SLCO5A1: variants seen among roughly 807,000 people sequenced by gnomAD.
SLCO5A1 encodes the protein solute carrier organic anion transporter family member 5A1.
A neutral mutation model predicts 65.1 loss-of-function variants in SLCO5A1; 39 were observed. The ratio of observed to expected loss-of-function variants is 0.60; its 90% CI spans 0.46 to 0.78. The LOEUF (loss-of-function observed/expected upper bound fraction) is 0.78, where lower values mean the gene tolerates loss of function less well. SLCO5A1 is among the 30% of genes least tolerant of loss of function. SLCO5A1 has a pLI of 0.00. For synonymous variants in SLCO5A1, 438 were observed against 415.7 expected (o/e 1.05, Z -0.65); for missense variants, 1,029 against 1,069.4 (o/e 0.96, Z 0.53).
rs1473877073 is a variant in SLCO5A1 at position 69,671,842 on chromosome 8, A to G, written c.*1027T>C. 1 of 152,222 alleles carries G rather than the reference A, an allele frequency of 6.6e-6. No individual in the cohort carries two copies. Among genetic ancestry groups the G allele is most frequent in the Non-Finnish European group, 1.5e-5 (1 of 68,042 alleles). The allele number at this position is 152,222 out of a possible 1,614,324, so 9.4% of individuals were successfully genotyped here. Reference sequence around the variant, plus strand: ...ATATCCCAGGCACAGATTTCCTGATATAAGTATGCATTTTCAGGAGCAACC... The same window carrying G: ...ATATCCCAGGCACAGATTTCCTGATGTAAGTATGCATTTTCAGGAGCAACC... On this transcript the variant is annotated 3_prime_UTR_variant, in exon 10 of 10. Transcript: ENST00000260126.
intron 2 of SLCO5A1, among the ~76,000 whole-genome samples, chr8:69,798,690 AGGGAC>A (rs1405977301): frequency 1.3e-5 from 2 of 152,224 alleles, no homozygotes; most frequent in Admixed American, 1.3e-4. Context: ...AGATTTGGGC[AGGGAC>A]ACAGATCCAA....
At chr8:69,702,031 T>C (rs1814761855) in intron 6 of SLCO5A1, among the ~76,000 whole-genome samples, 1 of 152,116 alleles carries the variant, frequency 6.6e-6, no homozygotes, top group South Asian at 2.1e-4. Context: ...AAATACAGAG[T>C]CACATTGTAG....
chr8:69,687,866 C>A (rs191327892), intron 6 of SLCO5A1, among the ~76,000 whole-genome samples: 1 of 151,122 alleles, frequency 6.6e-6, no homozygotes, highest in Non-Finnish European at 1.5e-5. Context: ...TTAACATATA[C>A]ATAATCATAA....
chr8:69,799,499 T>C (rs1006385696), intron 2 of SLCO5A1, among the ~76,000 whole-genome samples: 1 of 152,184 alleles, frequency 6.6e-6, no homozygotes, highest in Admixed American at 6.5e-5. Context: ...ATCTAGGAAG[T>C]TTTTATTTGT....
At chr8:69,718,990 G>A (rs1236026585) in intron 5 of SLCO5A1, among the ~76,000 whole-genome samples, 1 of 152,146 alleles carries the variant, frequency 6.6e-6, no homozygotes, top group Admixed American at 6.6e-5. Context: ...AAAACCTGAA[G>A]GAGCAACGTG....
rs144838750 is a variant in SLCO5A1, at chr8:69,691,764, C to G, written c.1623-9421G>C. On this transcript the variant is annotated intron_variant, in intron 6 of 9. Coordinates refer to ENST00000260126, the MANE Select transcript of SLCO5A1 (RefSeq NM_030958.3). Reference sequence around the variant, plus strand: ...AATGCATCATCAGGTGGTTTCATCACTGTACAAATGTCATAGAATGCACTT... The same window carrying G: ...AATGCATCATCAGGTGGTTTCATCAGTGTACAAATGTCATAGAATGCACTT... Among the ~76,000 whole-genome samples, 342 of 152,300 alleles carry G rather than the reference C, an allele frequency of 2.2e-3. 2 individuals are homozygous for G. Among genetic ancestry groups the G allele is most frequent in the African/African-American group, 7.6e-3 (316 of 41,562 alleles).
intron 2 of SLCO5A1, among the ~76,000 whole-genome samples, chr8:69,781,898 C>A (rs1303203365): frequency 6.6e-6 from 1 of 152,134 alleles, no homozygotes; most frequent in Non-Finnish European, 1.5e-5. Flanking sequence ...CTCAGGCGAT[C>A]TGCCTGCCTC....
At chr8:69,807,860 C>T (rs1054213490) in intron 2 of SLCO5A1, among the ~76,000 whole-genome samples, 3 of 152,108 alleles carry the variant, frequency 2.0e-5, no homozygotes, top group South Asian at 2.1e-4. Flanking sequence ...CTCGCCACCA[C>T]GCCCAGGTAA....
rs1817986484 is a variant in SLCO5A1, at chr8:69,764,945, A to G, written c.908-3070T>C. ...AAGCGGGATTGTGCAGGATGTGTACAGGCCAGACACACAATATCCAGTAAG... is the reference window on the plus strand; with the variant it reads ...AAGCGGGATTGTGCAGGATGTGTACGGGCCAGACACACAATATCCAGTAAG... On this transcript the variant is annotated intron_variant, in intron 2 of 9. Transcript: ENST00000260126. Among the ~76,000 whole-genome samples the G allele has an allele frequency of 3.3e-5, 5 of 152,260 alleles. No homozygotes were observed. In the South Asian group the frequency reaches 1.0e-3, roughly 31 times the overall value.
rs769774098 is a variant in SLCO5A1 at position 69,673,107 on chromosome 8, C to T, written c.2309G>A (p.Arg770Gln). The T allele has an allele frequency of 3.4e-5, 55 of 1,614,232 alleles. No homozygotes were observed. The highest frequency in any genetic ancestry group is 4.3e-5 in the Non-Finnish European group (51 of 1,180,042). Residue 770 changes from arginine (R) to glutamine (Q), a missense_variant, in exon 10 of 10, where the codon CGG becomes CAG. Physicochemically the swap from Arg to Gln is conservative, Grantham distance 43. Around this residue, in one of 3 missense-constraint regions of SLCO5A1, gnomAD observed 258 missense variants for 237.4 expected, o/e 1.09. Transcript: ENST00000260126. ...GCTCAGGGGAAATTCTCTCTGCCTC[C>T]GCCTCTGCAGTCCATCCTCCTTGTA... ...IKYKEDGLQR[R>Q]RQREFPLSTV...
intron 1 of SLCO5A1, chr8:69,834,375 A>C (rs2130934299): frequency 6.5e-6 from 1 of 152,752 alleles, no homozygotes; most frequent in East Asian, 1.9e-4. Flanking sequence ...GAGGAAGGGC[A>C]AGGGAGAAAG....
At chr8:69,738,851 G>A (rs1261914863) in intron 4 of SLCO5A1, among the ~76,000 whole-genome samples, 2 of 152,172 alleles carry the variant, frequency 1.3e-5, no homozygotes, top group Non-Finnish European at 2.9e-5. Flanking sequence ...CTGCCTCCAA[G>A]AAAGAAAGTA....
chr8:69,694,649 C>T (rs114450366), intron 6 of SLCO5A1, among the ~76,000 whole-genome samples: 2,673 of 152,292 alleles, frequency 0.018, 82 homozygotes, highest in African/African-American at 0.061. Context: ...GTATCTGCTA[C>T]TCTAAAAGTG....
intron 5 of SLCO5A1, among the ~76,000 whole-genome samples, chr8:69,708,071 C>T (rs529311118): frequency 6.6e-6 from 1 of 152,108 alleles, no homozygotes. Context: ...CTACAACATT[C>T]GGATGAGTGC....
chr8:69,746,047 TC>T (rs1816994071), intron 4 of SLCO5A1, among the ~76,000 whole-genome samples: 1 of 152,158 alleles, frequency 6.6e-6, no homozygotes, highest in South Asian at 2.1e-4. Context: ...ATGGATTCCT[TC>T]CTCCTCTTCC....
At chr8:69,674,848 C>T (rs540010142) in intron 9 of SLCO5A1, among the ~76,000 whole-genome samples, 16 of 144,768 alleles carry the variant, frequency 1.1e-4, no homozygotes, top group African/African-American at 3.9e-4. Context: ...TGGTGAAACC[C>T]CATCTCTACT....
intron 5 of SLCO5A1, among the ~76,000 whole-genome samples, chr8:69,734,949 A>T (rs1276646162): frequency 6.6e-6 from 1 of 152,242 alleles, no homozygotes; most frequent in Non-Finnish European, 1.5e-5. Context: ...TCAAAAAACC[A>T]AGAGGAGTTT....
At chr8:69,814,878 G>A (rs1192423376) in intron 2 of SLCO5A1, among the ~76,000 whole-genome samples, 1 of 152,152 alleles carries the variant, frequency 6.6e-6, no homozygotes, top group Non-Finnish European at 1.5e-5. Context: ...AGAACATTAT[G>A]CTAAGTGAAA....
intron 2 of SLCO5A1, among the ~76,000 whole-genome samples, chr8:69,821,155 T>A (rs1331161308): frequency 6.6e-6 from 1 of 151,748 alleles, no homozygotes; most frequent in Non-Finnish European, 1.5e-5. Context: ...ACAACTCAAC[T>A]GATTTGAAGC....
Sources: allele counts gnomAD v4.1 joint callset (sites outside exome capture counted in the v4.1 genomes callset), GRCh38; gene constraint gnomAD v4.1.1; regional missense constraint gnomAD v4.1.1; transcripts MANE v1.5; gene names NCBI Gene and HGNC (gene_info 2026-07-23, HGNC 2026-07-21).